EME1: variants seen among roughly 807,000 people sequenced by gnomAD.
The protein encoded by EME1 is essential meiotic structure-specific endonuclease 1.
A neutral mutation model predicts 59.1 loss-of-function variants in EME1; 61 were observed. The observed-to-expected ratio is 1.03, with a 90% CI of 0.84 to 1.28. EME1 has a LOEUF of 1.28. EME1 is among the 50% of genes most tolerant of loss of function. The pLI, the probability that EME1 is intolerant of heterozygous loss-of-function variation, is 0.00. For missense variants in EME1, 635 were observed against 682.6 expected, an observed-to-expected ratio of 0.93 and a Z score of 0.78; for synonymous variants, 230 against 254.2, an observed-to-expected ratio of 0.90 and a Z score of 0.90.
At position 50,378,865 on chromosome 17, in the gene EME1, T is replaced by C; in HGVS notation, c.1082T>C (p.Leu361Pro). ...TAKTAGKALSLVIVDQEKCFS... is the reference protein window; with the variant it reads ...TAKTAGKALSPVIVDQEKCFS... ...AAGACAGCAGGGAAAGCTCTGTCACTGGTGATTGTGGATCAGGAGAAATGC... is the reference window on the plus strand; with the variant it reads ...AAGACAGCAGGGAAAGCTCTGTCACCGGTGATTGTGGATCAGGAGAAATGC... The change falls in exon 5 of 9, where the codon CTG becomes CCG. Residue 361 changes from leucine (L) to proline (P), a missense_variant. Leu to Pro is a moderately conservative substitution (Grantham distance 98). Coordinates refer to ENST00000338165, the MANE Select transcript of EME1 (RefSeq NM_152463.4). 6.2e-7 allele frequency: 1 copy of C among 1,614,210 alleles called. No individual in the cohort carries two copies. Among genetic ancestry groups the C allele is most frequent in the Non-Finnish European group, 8.5e-7 (1 of 1,180,028 alleles).
rs1913459563 is a variant in EME1, at chr17:50,376,194, G to A, written c.903+1G>A. 11 of 1,611,626 alleles carry A rather than the reference G, an allele frequency of 6.8e-6. No individual in the cohort carries two copies. The highest frequency in any genetic ancestry group is 1.7e-5 in the Admixed American group (1 of 59,978). ...GAGGAGAAGGGCTGGGCCGTCTGAG[G>A]TAGGAGTTTTCTGGCTGACATTTCC... On this transcript the variant is annotated splice_donor_variant, in intron 3 of 8. Transcript: ENST00000338165. LOFTEE classifies it high-confidence loss of function.
At position 50,376,026 on chromosome 17, in the gene EME1, C is replaced by T. The variant is rs9902545; in HGVS notation, c.776-40C>T. On this transcript the variant is annotated intron_variant, in intron 2 of 8. Coordinates refer to ENST00000338165, the MANE Select transcript of EME1 (RefSeq NM_152463.4). ...TGTCCTGTGCTGAGTTATCTGCGTTCTGGACCCCCCACTGACAGTCCCTTT... is the reference window on the plus strand; with the variant it reads ...TGTCCTGTGCTGAGTTATCTGCGTTTTGGACCCCCCACTGACAGTCCCTTT... The T allele has an allele frequency of 9.8e-3, 15,795 of 1,607,972 alleles. 1,390 individuals are homozygous for T. The African/African-American group carries it at 0.19, about 19-fold the overall frequency.
chr17:50,373,969 G>GA (rs1396702031), intron 1 of EME1, among the ~76,000 whole-genome samples: 1 of 152,172 alleles, frequency 6.6e-6, no homozygotes, highest in African/African-American at 2.4e-5. Flanking sequence ...CAAGCTGAGT[G>GA]AAAAAAGTCA....
In EME1 at chr17:50,376,176, AGGGCT is replaced by A. The variant is rs1567815635; in HGVS notation, c.891_895del (p.Gly298ValfsTer2). 1 of 1,613,466 alleles carries A rather than the reference AGGGCT, an allele frequency of 6.2e-7. No homozygotes were observed. Among genetic ancestry groups the A allele is most frequent in the Admixed American group, 1.7e-5 (1 of 60,024 alleles). Reference sequence around the variant, plus strand: ...GCCTTGCAGTGTCACTTGGAGGAGAAGGGCTGGGCCGTCTGAGGTAGGAGTTTTCT... The same window carrying A: ...GCCTTGCAGTGTCACTTGGAGGAGAAGGGCCGTCTGAGGTAGGAGTTTTCT... On this transcript the variant is annotated frameshift_variant, in exon 3 of 9. Transcript: ENST00000338165. LOFTEE classifies it high-confidence loss of function.
At position 50,380,493 on chromosome 17, in the gene EME1, C is replaced by A; in HGVS notation, c.1528C>A (p.Leu510Met). 1 of 1,613,666 alleles carries A rather than the reference C, an allele frequency of 6.2e-7. No homozygotes were observed. The highest frequency in any genetic ancestry group is 8.5e-7 in the Non-Finnish European group (1 of 1,180,024). The change falls in exon 8 of 9, where the codon CTG (leucine) becomes ATG (methionine). Residue 510 changes from leucine to methionine, a missense_variant. Coordinates refer to ENST00000338165, the MANE Select transcript of EME1 (RefSeq NM_152463.4). ...GAATGCCTATCCCTCCCCACAGCTC[C>A]TGGTACAGGTATGCTGCTCCAGGGC... is the stretch of plus-strand genomic sequence containing the variant. ...VVNAYPSPQL[L>M]VQAYQQCFSD... is the part of the protein sequence containing the mutation.
intron 3 of EME1, among the ~76,000 whole-genome samples, chr17:50,376,488 G>A (rs1270939545): frequency 6.6e-6 from 1 of 152,178 alleles, no homozygotes; most frequent in Non-Finnish European, 1.5e-5. Context: ...TTTGGGTGCT[G>A]TCCTATGATG....
intron 4 of EME1, 25 bp from the exon 5 acceptor site, chr17:50,378,749 A>C: frequency 6.2e-7 from 1 of 1,614,228 alleles, no homozygotes; most frequent in Non-Finnish European, 8.5e-7. Flanking sequence ...GCAAGTATTA[A>C]TGCAGTTTCT....
rs1913835109 is a variant in EME1, at chr17:50,381,394, T to C, written c.*455T>C. 5.5e-6 allele frequency: 1 copy of C among 180,540 alleles called. No homozygotes were observed. Among genetic ancestry groups the C allele is most frequent in the Non-Finnish European group, 1.2e-5 (1 of 83,790 alleles). The allele number at this position is 180,540 out of a possible 1,614,324, so 11.2% of individuals were successfully genotyped here. On this transcript the variant is annotated 3_prime_UTR_variant, in exon 9 of 9. Coordinates refer to ENST00000338165, the MANE Select transcript of EME1 (RefSeq NM_152463.4). ...GGATTATGATGACTATGCGGACTTCTATATTGTCTTCATCTCATTGTGTGT... is the reference window on the plus strand; with the variant it reads ...GGATTATGATGACTATGCGGACTTCCATATTGTCTTCATCTCATTGTGTGT...
intron 1 of EME1, 93 bp from the exon 2 acceptor site, chr17:50,375,092 C>A: frequency 1.0e-6 from 1 of 973,318 alleles, no homozygotes; most frequent in Non-Finnish European, 1.5e-6. Context: ...TTCTCTATAT[C>A]TTATATTTAT....
rs761361503 is a variant in EME1, at chr17:50,379,559, G to A, written c.1338G>A (p.Ala446=). ...TCAFTKAVAE[A]PFKKLRDETT... ...CATTCACAAAGGCTGTGGCTGAGGC[G>A]CCCTTCAAGTGAGTAACCCCAGCAA... Residue 446 remains alanine (A), a synonymous_variant, in exon 7 of 9, where the codon GCG becomes GCA. Transcript: ENST00000338165. 5.6e-6 allele frequency: 9 copies of A among 1,613,970 alleles called. No individual in the cohort carries two copies. Among genetic ancestry groups the A allele is most frequent in the South Asian group, 3.3e-5 (3 of 91,032 alleles).
chr17:50,376,115 C>G lies in EME1; in HGVS notation c.825C>G (p.Thr275=). Residue 275 remains threonine (T), a synonymous_variant, in exon 3 of 9, where the codon ACC becomes ACG. Coordinates refer to ENST00000338165, the MANE Select transcript of EME1 (RefSeq NM_152463.4). ...GGGQLLGALQ[T]MECRCVIEAQ... is the part of the protein sequence containing the mutation. Reference sequence around the variant, plus strand: ...GCCAGCTCCTAGGAGCACTGCAGACCATGGAGTGCCGCTGTGTGATTGAGG... The same window carrying G: ...GCCAGCTCCTAGGAGCACTGCAGACGATGGAGTGCCGCTGTGTGATTGAGG... The G allele has an allele frequency of 6.2e-7, 1 of 1,614,108 alleles. No individual in the cohort carries two copies.
Position 50,379,508 on chromosome 17 carries a change from G to A in EME1, c.1287G>A (p.Trp429Ter). The change falls in exon 7 of 9, where the codon TGG becomes TGA. Residue 429 changes from tryptophan (W) to a stop codon, truncating the protein, a stop_gained. Coordinates refer to ENST00000338165, the MANE Select transcript of EME1 (RefSeq NM_152463.4). LOFTEE classifies it high-confidence loss of function. Reference protein sequence around the residue: ...TEAQAQIVQSWKELADFTCAF... With the variant: ...TEAQAQIVQS The stretch of plus-strand genomic sequence containing the variant: ...CCCAGGCTCAAATTGTGCAGAGCTG[G>A]AAAGAGCTGGCCGACTTCACATGCG... 6.2e-7 allele frequency: 1 copy of A among 1,614,246 alleles called. No individual in the cohort carries two copies. The highest frequency in any genetic ancestry group is 1.1e-5 in the South Asian group (1 of 91,082).
chr17:50,373,365 A>C, intron 1 of EME1, 88 bp downstream of exon 1: 1 of 715,600 alleles, frequency 1.4e-6, no homozygotes. Flanking sequence ...TAAGGTGTCC[A>C]GGAGCCTCTG....
rs746436410 is a variant in EME1 at position 50,378,891 on chromosome 17, T to C, written c.1108T>C (p.Phe370Leu). 4 of 1,614,072 alleles carry C rather than the reference T, an allele frequency of 2.5e-6. No homozygotes were observed. Among genetic ancestry groups the C allele is most frequent in the East Asian group, 4.5e-5 (2 of 44,902 alleles). The change falls in exon 5 of 9, where the codon TTC (phenylalanine) becomes CTC (leucine). Residue 370 changes from phenylalanine to leucine, a missense_variant. Physicochemically the swap from Phe to Leu is conservative, Grantham distance 22. Coordinates refer to ENST00000338165, the MANE Select transcript of EME1 (RefSeq NM_152463.4). ...SLVIVDQEKCFSAQNPPRRGK... is the reference protein window; with the variant it reads ...SLVIVDQEKCLSAQNPPRRGK... ...GGTGATTGTGGATCAGGAGAAATGC[T>C]TCAGGTTTGGATTTGCCCTGGTGAT...
chr17:50,376,126 G>A lies in EME1; in HGVS notation c.836G>A (p.Arg279His), dbSNP rs151065694. The A allele has an allele frequency of 1.6e-4, 253 of 1,614,110 alleles. No homozygotes were observed. Among genetic ancestry groups the A allele is most frequent in the Non-Finnish European group, 2.0e-4 (240 of 1,180,022 alleles). Reference sequence around the variant, plus strand: ...GGAGCACTGCAGACCATGGAGTGCCGCTGTGTGATTGAGGCGCAGGCTGTG... The same window carrying A: ...GGAGCACTGCAGACCATGGAGTGCCACTGTGTGATTGAGGCGCAGGCTGTG... ...LLGALQTMEC[R>H]CVIEAQAVPC... Residue 279 changes from arginine to histidine, a missense_variant, in exon 3 of 9, where the codon CGC becomes CAC. Coordinates refer to ENST00000338165, the MANE Select transcript of EME1 (RefSeq NM_152463.4).
At chr17:50,376,559 C>T (rs1913482412) in intron 3 of EME1, among the ~76,000 whole-genome samples, 2 of 152,146 alleles carry the variant, frequency 1.3e-5, no homozygotes, top group South Asian at 4.1e-4. Flanking sequence ...TCAGTCATGA[C>T]AATAAAAAAT....
intron 1 of EME1, 155 bp from the exon 2 acceptor site, chr17:50,375,030 A>C: frequency 3.6e-6 from 2 of 557,564 alleles, no homozygotes; most frequent in East Asian, 3.2e-5. Context: ...ACCAGGAGTT[A>C]GAGTTCCAGA....
chr17:50,373,356 A>G, intron 1 of EME1, 79 bp downstream of exon 1: 1 of 783,318 alleles, frequency 1.3e-6, no homozygotes, highest in South Asian at 1.7e-5. Flanking sequence ...CTTGGTGGCT[A>G]AGGTGTCCAG....
At chr17:50,376,788 A>G (rs2143311651) in intron 3 of EME1, among the ~76,000 whole-genome samples, 1 of 152,346 alleles carries the variant, frequency 6.6e-6, no homozygotes. Flanking sequence ...GGAGGGAGCC[A>G]GGGGAAAAAT....
Sources: gnomAD v4.1 joint callset for allele counts (sites outside exome capture counted in the v4.1 genomes callset) on GRCh38, gnomAD v4.1.1 for gene constraint, MANE v1.5 for transcripts, NCBI Gene and HGNC (gene_info 2026-07-23, HGNC 2026-07-21) for gene names.